The following SNX8 variants were observed in gnomAD, a reference collection of about 807,000 sequenced individuals.
SNX8 encodes the protein sorting nexin-8.
In SNX8, 25 loss-of-function variants were observed where a neutral mutation model predicts 51.6. The observed-to-expected ratio is 0.48, with a 90% confidence interval of 0.35 to 0.68. The LOEUF (loss-of-function observed/expected upper bound fraction) is 0.68. SNX8 is among the 30% of genes least tolerant of loss of function. The probability of loss-of-function intolerance (pLI) is 0.00; values close to 1 mark genes in which losing one functional copy is unlikely to be tolerated. For missense variants in SNX8, 695 were observed against 624.0 expected (o/e 1.11, Z -1.21); for synonymous variants, 324 against 277.0 (o/e 1.17, Z -1.68).
At position 2,265,061 on chromosome 7, in the gene SNX8, G is replaced by A. The variant is rs527803876; in HGVS notation, c.622-603C>T. Among the ~76,000 whole-genome samples, 7 of 151,506 alleles carry A rather than the reference G, an allele frequency of 4.6e-5. No individual in the cohort carries two copies. In the East Asian group the frequency reaches 7.8e-4, roughly 17 times the overall value. On this transcript the variant is annotated intron_variant, in intron 5 of 10. Coordinates refer to ENST00000222990, the MANE Select transcript of SNX8 (RefSeq NM_013321.4). ...AAACAAACAAACCAACAAAACACTC[G>A]AATAATAATCTTGCCGGGCGCAGTG...
chr7:2,257,625 C>T (rs1795223187), intron 8 of SNX8, 110 bp downstream of exon 8: 3 of 1,561,950 alleles, frequency 1.9e-6, no homozygotes, highest in Non-Finnish European at 2.6e-6. Context: ...TCTTCCCCTG[C>T]AGCCCTGGCT....
intron 1 of SNX8, among the ~76,000 whole-genome samples, chr7:2,290,999 T>C (rs1482608030): frequency 6.6e-6 from 1 of 152,112 alleles, no homozygotes; most frequent in African/African-American, 2.4e-5. Context: ...TGAAGCAAAG[T>C]ATAAACAGTC....
intron 1 of SNX8, among the ~76,000 whole-genome samples, chr7:2,330,272 G>A (rs1778706806): frequency 6.7e-6 from 1 of 150,030 alleles, no homozygotes; most frequent in African/African-American, 2.5e-5. Context: ...CAAGTAGCTG[G>A]GATTACAGGT....
intron 1 of SNX8, among the ~76,000 whole-genome samples, chr7:2,298,656 C>T (rs1796325819): frequency 1.3e-5 from 2 of 151,022 alleles, no homozygotes; most frequent in Non-Finnish European, 1.5e-5. Flanking sequence ...AGGCATGAGC[C>T]ACCACACCCA....
intron 1 of SNX8, among the ~76,000 whole-genome samples, chr7:2,307,403 C>T (rs1442064081): frequency 6.6e-6 from 1 of 151,798 alleles, no homozygotes; most frequent in Non-Finnish European, 1.5e-5. Context: ...GAAGCCAAGG[C>T]GGGGGGATCA....
At chr7:2,318,721 A>T (rs1796792016), upstream of SNX8, among the ~76,000 whole-genome samples, 1 of 151,656 alleles carries the variant, frequency 6.6e-6, no homozygotes. Flanking sequence ...TTTAAAATTA[A>T]TTGTACTCAG....
intron 1 of SNX8, among the ~76,000 whole-genome samples, chr7:2,339,261 A>T (rs1778880593): frequency 6.6e-6 from 1 of 152,098 alleles, no homozygotes; most frequent in Non-Finnish European, 1.5e-5. Flanking sequence ...GCTGGAGTGC[A>T]GCGGCACGAT....
Position 2,306,719 on chromosome 7 carries a change from G to T in SNX8, c.94+7609C>A, listed in dbSNP as rs148070158. ...TATTAAAATGCAACGGCTGTTAAAA[G>T]GGGTGGAACTACAGGTGATTTGTCT... On this transcript the variant is annotated intron_variant, in intron 1 of 10. Transcript: ENST00000222990. Among the ~76,000 whole-genome samples, 12 of 152,294 alleles carry T rather than the reference G, an allele frequency of 7.9e-5. No individual in the cohort carries two copies. The East Asian group carries it at 2.3e-3, about 29-fold the overall frequency.
intron 7 of SNX8, 21 bp downstream of exon 7, chr7:2,263,209 T>A (rs1467448974): frequency 6.2e-7 from 1 of 1,613,008 alleles, no homozygotes; most frequent in African/African-American, 1.3e-5. Context: ...AACAGGCGCC[T>A]GGGAGAACCG....
At chr7:2,295,459 C>G (rs957061819) in intron 1 of SNX8, among the ~76,000 whole-genome samples, 1 of 150,236 alleles carries the variant, frequency 6.7e-6, no homozygotes, top group Non-Finnish European at 1.5e-5. Context: ...AATCTCAGCA[C>G]TTTGGGAGGC....
intron 1 of SNX8, among the ~76,000 whole-genome samples, chr7:2,304,845 G>A (rs911923828): frequency 4.6e-5 from 7 of 152,122 alleles, no homozygotes; most frequent in African/African-American, 1.7e-4. Flanking sequence ...CTAAGTGGCC[G>A]GTTCTTGAAA....
At chr7:2,311,577 A>C (rs1467771173) in intron 1 of SNX8, among the ~76,000 whole-genome samples, 1 of 151,980 alleles carries the variant, frequency 6.6e-6, no homozygotes, top group Non-Finnish European at 1.5e-5. Context: ...CCATCAACAC[A>C]CATTCCCTTG....
chr7:2,304,307 G>A (rs987226448), intron 1 of SNX8, among the ~76,000 whole-genome samples: 2 of 152,096 alleles, frequency 1.3e-5, no homozygotes, highest in Non-Finnish European at 2.9e-5. Context: ...CACTTTGGGA[G>A]GCCAAGGTGG....
At chr7:2,345,018 A>T (rs1285249099) in intron 1 of SNX8, among the ~76,000 whole-genome samples, 2 of 152,182 alleles carry the variant, frequency 1.3e-5, no homozygotes, top group Admixed American at 6.6e-5. Flanking sequence ...AGGGAGTGTA[A>T]ATTGGTACAG....
At chr7:2,314,052 C>T (rs551333709) in intron 1 of SNX8, among the ~76,000 whole-genome samples, 1 of 152,310 alleles carries the variant, frequency 6.6e-6, no homozygotes, top group South Asian at 2.1e-4. Flanking sequence ...GAAAGCGCCT[C>T]GGAACGCGGC....
chr7:2,281,255 T>C (rs1195349941), intron 1 of SNX8, among the ~76,000 whole-genome samples: 3 of 151,740 alleles, frequency 2.0e-5, no homozygotes, highest in Non-Finnish European at 4.4e-5. Flanking sequence ...TAAGATGCCA[T>C]CTCTACAAAA....
intron 4 of SNX8, among the ~76,000 whole-genome samples, chr7:2,270,314 C>CAAAAA (rs57983721): frequency 0.022 from 1,244 of 57,068 alleles, 401 homozygotes; most frequent in Middle Eastern, 0.053. Context: ...TCTCATTTTA[C>CAAAAA]AAAAAAAAAA....
intron 1 of SNX8, among the ~76,000 whole-genome samples, chr7:2,335,384 C>T (rs746783734): frequency 2.0e-5 from 3 of 150,710 alleles, no homozygotes; most frequent in African/African-American, 7.3e-5. Flanking sequence ...CGTGGTGGCT[C>T]ACGCCTGTAA....
intron 1 of SNX8, among the ~76,000 whole-genome samples, chr7:2,303,957 T>A (rs1215275818): frequency 1.2e-4 from 17 of 143,840 alleles, no homozygotes; most frequent in African/African-American, 4.4e-4. Context: ...ATTAAAAAAA[T>A]AATAATAATA....
Sources: gnomAD v4.1 joint callset for allele counts (sites outside exome capture counted in the v4.1 genomes callset) on GRCh38, gnomAD v4.1.1 for gene constraint, MANE v1.5 for transcripts, NCBI Gene and HGNC (gene_info 2026-07-23, HGNC 2026-07-21) for gene names.